Variants in CDH13 observed in about 807,000 individuals in gnomAD.
The protein encoded by CDH13 is cadherin 13, also known as cadherin-13.
Under a neutral mutation model 63.8 loss-of-function variants are expected in CDH13, and 24 were observed. The observed-to-expected ratio is 0.38, with a 90% CI of 0.27 to 0.53. The LOEUF (loss-of-function observed/expected upper bound fraction) is 0.53, where lower values mean the gene tolerates loss of function less well. CDH13 is among the 20% of genes least tolerant of loss of function. The pLI is 0.85. For synonymous variants in CDH13, 503 were observed against 355.3 expected (o/e 1.42, Z -4.67); for missense variants, 1,049 against 903.1 (o/e 1.16, Z -2.07).
intron 8 of CDH13, among the ~76,000 whole-genome samples, chr16:83,649,005 A>C (rs1912106011): frequency 2.0e-5 from 3 of 152,228 alleles, no homozygotes; most frequent in Non-Finnish European, 4.4e-5. Flanking sequence ...CTGTGGCAAG[A>C]CATCTTATCA....
At chr16:82,968,949 A>T (rs1166078012) in intron 2 of CDH13, among the ~76,000 whole-genome samples, 1 of 152,116 alleles carries the variant, frequency 6.6e-6, no homozygotes, top group African/African-American at 2.4e-5. Flanking sequence ...GAAAAACCCC[A>T]TCTCTACAAA....
intron 6 of CDH13, among the ~76,000 whole-genome samples, chr16:83,356,945 G>A (rs1254196582): frequency 6.6e-6 from 1 of 152,094 alleles, no homozygotes; most frequent in African/African-American, 2.4e-5. Context: ...TTTGGTTTGG[G>A]GAATTCTTGT....
At chr16:83,578,538 G>A (rs7193753) in intron 7 of CDH13, among the ~76,000 whole-genome samples, 2 of 151,782 alleles carry the variant, frequency 1.3e-5, no homozygotes, top group Admixed American at 1.3e-4. Context: ...GGAGAAGCCT[G>A]AGCTGACCCT....
chr16:83,528,561 A>G (rs2075013505), intron 7 of CDH13, among the ~76,000 whole-genome samples: 1 of 152,098 alleles, frequency 6.6e-6, no homozygotes, highest in Non-Finnish European at 1.5e-5. Context: ...TCATGTATAT[A>G]TTACATAAAT....
intron 3 of CDH13, among the ~76,000 whole-genome samples, chr16:83,048,301 A>G (rs1361763007): frequency 6.6e-6 from 1 of 152,212 alleles, no homozygotes; most frequent in African/African-American, 2.4e-5. Context: ...TAATAAATTG[A>G]TACTCAGCAG....
chr16:83,625,365 T>G (rs1254163015), intron 8 of CDH13, among the ~76,000 whole-genome samples: 5 of 152,206 alleles, frequency 3.3e-5, no homozygotes, highest in African/African-American at 1.2e-4. Context: ...GTACCCTGTT[T>G]AAAGGACGGT....
chr16:83,511,211 C>CA (rs1475335639), intron 7 of CDH13, among the ~76,000 whole-genome samples: 2 of 152,210 alleles, frequency 1.3e-5, no homozygotes, highest in East Asian at 1.9e-4. Flanking sequence ...CCTGTGATCC[C>CA]AACACTTTGG....
At chr16:82,635,935 C>T (rs1255662946) in intron 1 of CDH13, among the ~76,000 whole-genome samples, 3 of 152,040 alleles carry the variant, frequency 2.0e-5, no homozygotes, top group Non-Finnish European at 2.9e-5. Flanking sequence ...GAAGACGTGC[C>T]TCCTTCGCCT....
At position 83,256,233 on chromosome 16, in the gene CDH13, A is replaced by G. The variant is rs375125327; in HGVS notation, c.636+38736A>G. Among the ~76,000 whole-genome samples, 191 of 152,152 alleles carry G rather than the reference A, an allele frequency of 1.3e-3. 1 individual carries two copies. The highest frequency in any genetic ancestry group is 4.4e-3 in the African/African-American group (181 of 41,540). On this transcript the variant is annotated intron_variant, in intron 5 of 13. Transcript: ENST00000567109. Reference sequence around the variant, plus strand: ...CTTTTTGTAGAGATGGGATTTTGCCATGTTGCCCAGGCTGGTCTGAAGCTC... The same window carrying G: ...CTTTTTGTAGAGATGGGATTTTGCCGTGTTGCCCAGGCTGGTCTGAAGCTC...
intron 6 of CDH13, among the ~76,000 whole-genome samples, chr16:83,472,808 G>C (rs1445298486): frequency 6.6e-6 from 1 of 152,178 alleles, no homozygotes; most frequent in African/African-American, 2.4e-5. Context: ...TATTTATTGA[G>C]CACCTACTGT....
chr16:82,915,884 C>T lies in CDH13; in HGVS notation c.157+57411C>T, dbSNP rs552224045. ...AGAAGGGGAACTGCTATATCACAGCCTCTGGAATCCTGGCTAACTACAGGG... is the reference window on the plus strand; with the variant it reads ...AGAAGGGGAACTGCTATATCACAGCTTCTGGAATCCTGGCTAACTACAGGG... On this transcript the variant is annotated intron_variant, in intron 2 of 13. Coordinates refer to ENST00000567109, the MANE Select transcript of CDH13 (RefSeq NM_001257.5). Among the ~76,000 whole-genome samples the T allele has an allele frequency of 7.3e-5, 11 of 150,304 alleles. No homozygotes were observed. The South Asian group carries it at 2.4e-3, about 33-fold the overall frequency.
intron 11 of CDH13, among the ~76,000 whole-genome samples, chr16:83,773,335 T>C (rs1914882753): frequency 6.6e-6 from 1 of 152,164 alleles, no homozygotes; most frequent in Admixed American, 6.5e-5. Flanking sequence ...TACTCGATAC[T>C]GGGTAATTTA....
chr16:83,567,101 T>G (rs1904287902), intron 7 of CDH13, among the ~76,000 whole-genome samples: 1 of 152,210 alleles, frequency 6.6e-6, no homozygotes, highest in Non-Finnish European at 1.5e-5. Flanking sequence ...CAACCCCTGC[T>G]TATTCAAAAC....
chr16:82,645,729 C>T (rs1377195921), intron 1 of CDH13, among the ~76,000 whole-genome samples: 1 of 152,154 alleles, frequency 6.6e-6, no homozygotes, highest in Non-Finnish European at 1.5e-5. Flanking sequence ...AAAGATACCT[C>T]ACAGCAAGCC....
At chr16:83,372,488 T>C (rs1567624651) in intron 6 of CDH13, among the ~76,000 whole-genome samples, 1 of 152,030 alleles carries the variant, frequency 6.6e-6, no homozygotes, top group Non-Finnish European at 1.5e-5. Context: ...GTGCGGTGGC[T>C]CATGCCTGTT....
chr16:83,192,399 G>T (rs913970611), intron 4 of CDH13, among the ~76,000 whole-genome samples: 1 of 152,158 alleles, frequency 6.6e-6, no homozygotes, highest in Non-Finnish European at 1.5e-5. Context: ...CAGAGTTGTG[G>T]CCTTTGGAAG....
In CDH13 at chr16:83,295,443, T is replaced by A. The variant is rs181564046; in HGVS notation, c.637-49419T>A. Among the ~76,000 whole-genome samples, 541 of 151,884 alleles carry A rather than the reference T, an allele frequency of 3.6e-3. 2 individuals carry two copies. The highest frequency in any genetic ancestry group is 6.1e-3 in the Non-Finnish European group (417 of 67,890). The stretch of plus-strand genomic sequence containing the variant: ...AGGGTAAAAAGACAACCTATGGAAT[T>A]AAAAGAAAATATTTGCAAACTGTAC... On this transcript the variant is annotated intron_variant, in intron 5 of 13. Transcript: ENST00000567109.
At chr16:82,786,393 G>A (rs1163816788) in intron 1 of CDH13, among the ~76,000 whole-genome samples, 2 of 151,142 alleles carry the variant, frequency 1.3e-5, no homozygotes, top group African/African-American at 4.9e-5. Flanking sequence ...ATGCCAGAGG[G>A]CTTACTTGCA....
chr16:83,021,477 G>T (rs1005433555), intron 2 of CDH13, among the ~76,000 whole-genome samples: 1 of 152,182 alleles, frequency 6.6e-6, no homozygotes. Flanking sequence ...CAAAGCTAAC[G>T]GCTCAGTTTT....
Sources: gnomAD v4.1 joint callset for allele counts (sites outside exome capture counted in the v4.1 genomes callset) on GRCh38, gnomAD v4.1.1 for gene constraint, MANE v1.5 for transcripts, NCBI Gene and HGNC (gene_info 2026-07-23, HGNC 2026-07-21) for gene names.